IL1RAPL2: variants seen among roughly 807,000 people sequenced by gnomAD.
IL1RAPL2 encodes the protein interleukin 1 receptor accessory protein like 2.
Under a neutral mutation model 44.1 loss-of-function variants are expected in IL1RAPL2, and 3 were observed. The ratio of observed to expected loss-of-function variants is 0.07; its 90% CI spans 0.03 to 0.18. The LOEUF (loss-of-function observed/expected upper bound fraction) is 0.18. Ranked by LOEUF, IL1RAPL2 falls within the 10% of genes least tolerant of loss-of-function variation. IL1RAPL2 has a pLI of 1.00. For missense variants in IL1RAPL2, 391 were observed against 496.4 expected, an observed-to-expected ratio of 0.79 and a Z score of 2.02; for synonymous variants, 181 against 178.8, an observed-to-expected ratio of 1.01 and a Z score of -0.10.
chrX:105,326,841 C>A (rs2034942991), intron 5 of IL1RAPL2, among the ~76,000 whole-genome samples: 1 of 111,385 alleles, frequency 9.0e-6, no homozygotes, highest in African/African-American at 3.3e-5. Context: ...ATTGTTCTGG[C>A]TGTTCTTGAA....
At chrX:104,598,494 C>CA (rs1221337717) in intron 1 of IL1RAPL2, among the ~76,000 whole-genome samples, 2 of 111,791 alleles carry the variant, frequency 1.8e-5, no homozygotes, top group East Asian at 5.6e-4. Context: ...TGTTGAAATG[C>CA]AAAATTGGCT....
intron 2 of IL1RAPL2, among the ~76,000 whole-genome samples, chrX:105,145,362 C>T (rs2033170149): frequency 8.9e-6 from 1 of 111,755 alleles, no homozygotes; most frequent in Non-Finnish European, 1.9e-5. Flanking sequence ...GGGCCCTGTA[C>T]TTTCCTACTT....
chrX:105,563,247 C>G (rs1478039943), intron 6 of IL1RAPL2, among the ~76,000 whole-genome samples: 1 of 111,737 alleles, frequency 8.9e-6, no homozygotes, highest in Admixed American at 9.5e-5. Flanking sequence ...AAATTGGGCA[C>G]AAGAGAAGTT....
intron 5 of IL1RAPL2, among the ~76,000 whole-genome samples, chrX:105,365,618 G>A (rs184571628): frequency 1.5e-3 from 168 of 110,869 alleles, no homozygotes; most frequent in Non-Finnish European, 2.5e-3. Flanking sequence ...TTCTTGATAT[G>A]GTCTTAGCAG....
At chrX:104,664,123 A>C (rs897507760) in intron 2 of IL1RAPL2, among the ~76,000 whole-genome samples, 1 of 111,158 alleles carries the variant, frequency 9.0e-6, no homozygotes, top group African/African-American at 3.3e-5. Flanking sequence ...ACATTTCTGG[A>C]GTTTTAGCTG....
At chrX:105,487,091 CAAAAAAAAAA>C (rs397896906) in intron 6 of IL1RAPL2, among the ~76,000 whole-genome samples, 1 of 38,339 alleles carries the variant, frequency 2.6e-5, no homozygotes, top group Non-Finnish European at 5.3e-5. Context: ...GACTCCATCT[CAAAAAAAAAA>C]AAAAAAAAAA....
intron 2 of IL1RAPL2, among the ~76,000 whole-genome samples, chrX:105,117,533 C>T (rs754116651): frequency 2.7e-5 from 3 of 111,159 alleles, no homozygotes; most frequent in Non-Finnish European, 5.7e-5. Flanking sequence ...CCATAATCCC[C>T]ACATGTCCCG....
chrX:105,017,012 G>A (rs752581640), intron 2 of IL1RAPL2, among the ~76,000 whole-genome samples: 11 of 111,355 alleles, frequency 9.9e-5, no homozygotes, highest in Non-Finnish European at 1.9e-4. Flanking sequence ...CATCTATTCA[G>A]GGATTTGACT....
At chrX:104,915,608 A>G (rs374372732) in intron 2 of IL1RAPL2, among the ~76,000 whole-genome samples, 2 of 110,164 alleles carry the variant, frequency 1.8e-5, no homozygotes, top group Admixed American at 9.6e-5. Flanking sequence ...TTTTGTTGCC[A>G]TTGCTTTTGG....
chrX:105,539,634 G>T (rs1474621032), intron 6 of IL1RAPL2, among the ~76,000 whole-genome samples: 4 of 111,252 alleles, frequency 3.6e-5, no homozygotes, highest in Non-Finnish European at 7.6e-5. Flanking sequence ...TATGACAAAG[G>T]TTCCAAAAGC....
At chrX:105,258,531 AGTT>A (rs1352691906) in intron 4 of IL1RAPL2, among the ~76,000 whole-genome samples, 1 of 111,898 alleles carries the variant, frequency 8.9e-6, no homozygotes, top group African/African-American at 3.2e-5. Context: ...ACGTTTTCCA[AGTT>A]GTTTGCTTTC....
chrX:104,895,762 G>A (rs1923624504), intron 2 of IL1RAPL2, among the ~76,000 whole-genome samples: 2 of 111,705 alleles, frequency 1.8e-5, no homozygotes. Context: ...CCCTGCTTCA[G>A]CTCACACTCA....
chrX:104,603,752 A>G (rs758489085), intron 1 of IL1RAPL2, among the ~76,000 whole-genome samples: 1 of 112,195 alleles, frequency 8.9e-6, no homozygotes, highest in African/African-American at 3.2e-5. Flanking sequence ...ACAAGGTTAG[A>G]GAAAAAAGAA....
chrX:105,440,272 T>C (rs1307051274), intron 5 of IL1RAPL2, among the ~76,000 whole-genome samples: 1 of 112,254 alleles, frequency 8.9e-6, no homozygotes, highest in East Asian at 2.8e-4. Flanking sequence ...TTAGTTGTGA[T>C]TGATGATAGC....
intron 6 of IL1RAPL2, among the ~76,000 whole-genome samples, chrX:105,517,066 A>C (rs984073220): frequency 1.0e-3 from 116 of 111,458 alleles, no homozygotes; most frequent in African/African-American, 3.7e-3. Flanking sequence ...ATGTTGTGTA[A>C]GTTTATAGAA....
intron 5 of IL1RAPL2, chrX:105,406,922 A>G: frequency 1.8e-6 from 2 of 1,131,484 alleles, no homozygotes; most frequent in Non-Finnish European, 1.2e-6. Flanking sequence ...GCAGGAACTG[A>G]TTTAGAGAAT....
intron 2 of IL1RAPL2, among the ~76,000 whole-genome samples, chrX:104,939,612 C>G (rs1925113367): frequency 9.0e-6 from 1 of 111,189 alleles, no homozygotes; most frequent in Admixed American, 9.6e-5. Context: ...AAAAATAATT[C>G]AAAACAGGTT....
At chrX:105,152,165 A>G (rs1051270506) in intron 2 of IL1RAPL2, among the ~76,000 whole-genome samples, 1 of 111,328 alleles carries the variant, frequency 9.0e-6, no homozygotes, top group African/African-American at 3.3e-5. Context: ...AAATAAGTAA[A>G]CTATGGTATC....
At chrX:105,232,260 C>G (rs1224057564) in intron 3 of IL1RAPL2, among the ~76,000 whole-genome samples, 2 of 111,695 alleles carry the variant, frequency 1.8e-5, no homozygotes, top group East Asian at 5.6e-4. Context: ...GCATCGCCAT[C>G]TGGATTCCTG....
Sources: allele counts gnomAD v4.1 joint callset (sites outside exome capture counted in the v4.1 genomes callset), GRCh38; gene constraint gnomAD v4.1.1; transcripts MANE v1.5; gene names NCBI Gene and HGNC (gene_info 2026-07-23, HGNC 2026-07-21).